RANBP9: variants seen among roughly 807,000 people sequenced by gnomAD.
RANBP9 encodes ran-binding protein 9.
A neutral mutation model predicts 84.3 loss-of-function variants in RANBP9; 15 were observed. The observed-to-expected ratio is 0.18, with a 90% confidence interval of 0.12 to 0.27. The LOEUF is 0.27. RANBP9 is among the 10% of genes least tolerant of loss of function. The pLI, the probability that RANBP9 is intolerant of heterozygous loss-of-function variation, is 1.00. For missense variants in RANBP9, 809 were observed against 912.8 expected (o/e 0.89, Z 1.46); for synonymous variants, 392 against 349.6 (o/e 1.12, Z -1.35).
In RANBP9 at chr6:13,647,815, T is replaced by C. The variant is rs116829777; in HGVS notation, c.928-3086A>G. Among the ~76,000 whole-genome samples the C allele has an allele frequency of 3.7e-3, 562 of 152,304 alleles. 4 individuals carry two copies. Among genetic ancestry groups the C allele is most frequent in the African/African-American group, 0.013 (535 of 41,572 alleles). Reference sequence around the variant, plus strand: ...GTTTTGGCTCACTGAAAAGTAAGTATAATTGTTATACCATTTACTCAACCT... The same window carrying C: ...GTTTTGGCTCACTGAAAAGTAAGTACAATTGTTATACCATTTACTCAACCT... On this transcript the variant is annotated intron_variant, in intron 5 of 13. Transcript: ENST00000011619.
chr6:13,675,592 T>C (rs1394454462), intron 2 of RANBP9, among the ~76,000 whole-genome samples: 2 of 150,644 alleles, frequency 1.3e-5, no homozygotes, highest in Non-Finnish European at 3.0e-5. Context: ...AATACAAACC[T>C]AGAGAAAGAA....
chr6:13,658,851 G>C lies in RANBP9; in HGVS notation c.684-19C>G. On this transcript the variant is annotated intron_variant, in intron 2 of 13. Coordinates refer to ENST00000011619, the MANE Select transcript of RANBP9 (RefSeq NM_005493.3). ...CATGTAACTGTTGGCGGAGGTTGGG[G>C]GAGAGAAGAAAAGGACATTATTACA... The C allele has an allele frequency of 6.4e-7, 1 of 1,550,704 alleles. No homozygotes were observed. The highest frequency in any genetic ancestry group is 8.9e-7 in the Non-Finnish European group (1 of 1,122,808).
rs1562318248 is a variant in RANBP9 at position 13,686,100 on chromosome 6, T to TTCCC, written c.683+10684_683+10685insGGGA. Among the ~76,000 whole-genome samples, 3 of 6,994 alleles carry TTCCC rather than the reference T, an allele frequency of 4.3e-4. 1 individual carries two copies. Among genetic ancestry groups the TTCCC allele is most frequent in the African/African-American group, 2.3e-3 (3 of 1,306 alleles). The allele number at this position is 6,994 out of a possible 152,430, so 4.6% of individuals were successfully genotyped here. On this transcript the variant is annotated intron_variant, in intron 2 of 13. Transcript: ENST00000011619. ...TCTTTCCTGAATTTCCAAAATTTCTTCCCCCCCCCCCCCCCGCCCCCCGAA... is the reference window on the plus strand; with the variant it reads ...TCTTTCCTGAATTTCCAAAATTTCTTTCCCCCCCCCCCCCCCCCCGCCCCCCGAA...
chr6:13,699,776 C>T (rs1470420809), intron 1 of RANBP9, among the ~76,000 whole-genome samples: 1 of 152,122 alleles, frequency 6.6e-6, no homozygotes, highest in East Asian at 1.9e-4. Flanking sequence ...GCACAAGAAT[C>T]GCTTGAACTT....
chr6:13,667,543 A>T (rs920130953), intron 2 of RANBP9, among the ~76,000 whole-genome samples: 1 of 152,238 alleles, frequency 6.6e-6, no homozygotes, highest in African/African-American at 2.4e-5. Flanking sequence ...CAATAGTCCT[A>T]TAAGATTATA....
At chr6:13,703,939 A>C (rs1561697291) in intron 1 of RANBP9, among the ~76,000 whole-genome samples, 1 of 152,112 alleles carries the variant, frequency 6.6e-6, no homozygotes, top group Admixed American at 6.6e-5. Flanking sequence ...TCTCCTTCAC[A>C]ATCATTATTT....
chr6:13,641,423 C>A, intron 7 of RANBP9, 116 bp from the exon 8 acceptor site: 1 of 623,250 alleles, frequency 1.6e-6, no homozygotes, highest in Admixed American at 3.6e-5. Context: ...TGATTAATTT[C>A]AATTTCTTTC....
intron 9 of RANBP9, among the ~76,000 whole-genome samples, chr6:13,638,715 C>G (rs1347250269): frequency 6.6e-6 from 1 of 151,890 alleles, no homozygotes; most frequent in Non-Finnish European, 1.5e-5. Flanking sequence ...AGTGATGTCA[C>G]AAAAGCCAAG....
intron 13 of RANBP9, among the ~76,000 whole-genome samples, chr6:13,622,920 T>C (rs1325605352): frequency 6.6e-6 from 1 of 152,130 alleles, no homozygotes; most frequent in African/African-American, 2.4e-5. Context: ...CTTCCACCTC[T>C]GTGGATAGGA....
intron 10 of RANBP9, among the ~76,000 whole-genome samples, chr6:13,634,782 T>C (rs1764895368): frequency 6.6e-6 from 1 of 152,210 alleles, no homozygotes; most frequent in African/African-American, 2.4e-5. Context: ...GTACATATGC[T>C]AAAATGTAGT....
At chr6:13,664,859 C>T (rs543420176) in intron 2 of RANBP9, among the ~76,000 whole-genome samples, 1 of 152,226 alleles carries the variant, frequency 6.6e-6, no homozygotes, top group East Asian at 1.9e-4. Context: ...AATCTGACTT[C>T]AAAACATAGC....
chr6:13,690,680 T>C (rs1471569501), intron 2 of RANBP9, among the ~76,000 whole-genome samples: 1 of 152,210 alleles, frequency 6.6e-6, no homozygotes, highest in African/African-American at 2.4e-5. Flanking sequence ...AATAAAAATT[T>C]TGTTCTCTCT....
At chr6:13,697,787 G>A (rs377003723) in intron 1 of RANBP9, among the ~76,000 whole-genome samples, 39 of 152,322 alleles carry the variant, frequency 2.6e-4, no homozygotes, top group African/African-American at 9.1e-4. Flanking sequence ...GAGTATGAGT[G>A]AGACAAGTCT....
chr6:13,703,767 A>G (rs1187482458), intron 1 of RANBP9, among the ~76,000 whole-genome samples: 1 of 152,252 alleles, frequency 6.6e-6, no homozygotes, highest in Non-Finnish European at 1.5e-5. Flanking sequence ...AATAGAATTA[A>G]GTCATGACTA....
chr6:13,702,387 C>T (rs1253133904), intron 1 of RANBP9, among the ~76,000 whole-genome samples: 1 of 152,078 alleles, frequency 6.6e-6, no homozygotes, highest in Non-Finnish European at 1.5e-5. Context: ...CCTGACAAAG[C>T]GAGACTCTGT....
intron 2 of RANBP9, among the ~76,000 whole-genome samples, chr6:13,680,346 CT>C (rs1333837523): frequency 6.6e-6 from 1 of 152,044 alleles, no homozygotes; most frequent in Non-Finnish European, 1.5e-5. Flanking sequence ...AGTAATGGTT[CT>C]TTAAAGAAAA....
At chr6:13,633,536 A>G (rs996749744) in intron 11 of RANBP9, among the ~76,000 whole-genome samples, 16 of 152,232 alleles carry the variant, frequency 1.1e-4, no homozygotes, top group Admixed American at 2.6e-4. Flanking sequence ...GAAGAAACTG[A>G]GACACAGAGC....
chr6:13,664,578 T>G (rs1046469564), intron 2 of RANBP9, among the ~76,000 whole-genome samples: 1 of 152,132 alleles, frequency 6.6e-6, no homozygotes, highest in African/African-American at 2.4e-5. Flanking sequence ...AAGATGACTA[T>G]AGTTCACAAT....
chr6:13,682,946 A>C (rs974794696), intron 2 of RANBP9, among the ~76,000 whole-genome samples: 1 of 152,198 alleles, frequency 6.6e-6, no homozygotes, highest in African/African-American at 2.4e-5. Context: ...GCAAAATCTT[A>C]ATTCTAAAAT....
Sources: allele counts gnomAD v4.1 joint callset (sites outside exome capture counted in the v4.1 genomes callset), GRCh38; gene constraint gnomAD v4.1.1; transcripts MANE v1.5; gene names NCBI Gene and HGNC (gene_info 2026-07-23, HGNC 2026-07-21).